Variants in PIBF1 observed in about 807,000 individuals in gnomAD.
PIBF1 encodes progesterone-induced-blocking factor 1.
Under a neutral mutation model 112.5 loss-of-function variants are expected in PIBF1, and 90 were observed. The ratio of observed to expected loss-of-function variants is 0.80; its 90% CI spans 0.67 to 0.95. PIBF1 has a LOEUF of 0.95. PIBF1 is among the 40% of genes least tolerant of loss of function. The pLI is 0.00. For synonymous variants in PIBF1, 301 were observed against 288.6 expected, an observed-to-expected ratio of 1.04 and a Z score of -0.44; for missense variants, 915 against 852.3, an observed-to-expected ratio of 1.07 and a Z score of -0.92.
At chr13:72,904,426 A>G (rs113253650) in intron 11 of PIBF1, among the ~76,000 whole-genome samples, 1,963 of 71,550 alleles carry the variant, frequency 0.027, 77 homozygotes, top group African/African-American at 0.11. Flanking sequence ...AAAATATCAA[A>G]ATATTTCTTT....
chr13:72,921,932 G>A (rs1242183322), intron 13 of PIBF1, among the ~76,000 whole-genome samples: 4 of 152,146 alleles, frequency 2.6e-5, no homozygotes, highest in African/African-American at 9.7e-5. Context: ...AAATTATACA[G>A]AAGCCTCTTG....
At chr13:72,995,234 G>A (rs112384158) in intron 16 of PIBF1, among the ~76,000 whole-genome samples, 366 of 150,900 alleles carry the variant, frequency 2.4e-3, no homozygotes, top group Middle Eastern at 6.8e-3. Context: ...CTGGGAGGCA[G>A]AGGTTGCAGT....
At chr13:72,791,835 TGCTGGCCAGGCTTATCTTGA>T (rs2034946271) in intron 2 of PIBF1, among the ~76,000 whole-genome samples, 1 of 151,924 alleles carries the variant, frequency 6.6e-6, no homozygotes, top group Non-Finnish European at 1.5e-5. Flanking sequence ...AGTTTCACCA[TGCTGGCCAGGCTTATCTTGA>T]ACTCCCGACC....
At chr13:72,964,694 T>C (rs1207373395) in intron 14 of PIBF1, among the ~76,000 whole-genome samples, 1 of 152,224 alleles carries the variant, frequency 6.6e-6, no homozygotes, top group East Asian at 1.9e-4. Context: ...TTATGTCATA[T>C]AGCTTTTCAG....
chr13:72,868,159 G>A (rs947983396), intron 10 of PIBF1, among the ~76,000 whole-genome samples: 1 of 151,996 alleles, frequency 6.6e-6, no homozygotes, highest in East Asian at 1.9e-4. Context: ...AATTAACCAC[G>A]CAGAGTGGGC....
chr13:72,856,405 A>G (rs189685104), intron 10 of PIBF1, among the ~76,000 whole-genome samples: 9 of 152,312 alleles, frequency 5.9e-5, no homozygotes, highest in Admixed American at 5.2e-4. Flanking sequence ...TTGAAGTCAT[A>G]GTAAAGCCTT....
chr13:72,847,171 C>G (rs567728710), intron 9 of PIBF1, among the ~76,000 whole-genome samples: 2 of 152,226 alleles, frequency 1.3e-5, no homozygotes, highest in African/African-American at 4.8e-5. Flanking sequence ...CATTTTGGTA[C>G]TTCAATTTTT....
chr13:73,013,397 C>T (rs1054922576), intron 17 of PIBF1, among the ~76,000 whole-genome samples: 22 of 150,858 alleles, frequency 1.5e-4, no homozygotes, highest in African/African-American at 5.4e-4. Context: ...AGAATTTCCC[C>T]CAAACTAATG....
intron 17 of PIBF1, among the ~76,000 whole-genome samples, chr13:72,999,669 C>A (rs547830444): frequency 4.6e-5 from 7 of 152,244 alleles, no homozygotes; most frequent in South Asian, 4.1e-4. Context: ...TTTTATTATA[C>A]ATGCAGATAA....
At chr13:72,968,364 G>A (rs533712329) in intron 15 of PIBF1, among the ~76,000 whole-genome samples, 12 of 151,032 alleles carry the variant, frequency 7.9e-5, no homozygotes, top group African/African-American at 2.2e-4. Context: ...GCAATGGCGC[G>A]ATCTCGGCTC....
intron 11 of PIBF1, among the ~76,000 whole-genome samples, chr13:72,900,557 A>C (rs988434512): frequency 6.6e-6 from 1 of 152,222 alleles, no homozygotes; most frequent in Admixed American, 6.5e-5. Context: ...ATGTGGGAGA[A>C]TGAAACTGGA....
At chr13:72,955,409 A>G (rs949561519) in intron 14 of PIBF1, among the ~76,000 whole-genome samples, 1 of 151,846 alleles carries the variant, frequency 6.6e-6, no homozygotes, top group Non-Finnish European at 1.5e-5. Context: ...GTATGTGCAC[A>G]TTACCAAATG....
intron 17 of PIBF1, among the ~76,000 whole-genome samples, chr13:73,001,582 C>CTTTGTTTTTTTTTTTTTTTTTTT (rs2043867825): frequency 6.9e-5 from 2 of 29,160 alleles, no homozygotes; most frequent in Non-Finnish European, 1.5e-4. Flanking sequence ...AAGAGCTTGA[C>CTTTGTTTTTTTTTTTTTTTTTTT]TTTTTTTTTT....
chr13:72,785,064 G>A (rs1283064125), intron 2 of PIBF1, among the ~76,000 whole-genome samples: 2 of 151,858 alleles, frequency 1.3e-5, no homozygotes, highest in African/African-American at 2.4e-5. Context: ...TTTTATAAGG[G>A]CACCAATCCC....
At chr13:72,924,625 T>A (rs920273288) in intron 13 of PIBF1, among the ~76,000 whole-genome samples, 8 of 152,026 alleles carry the variant, frequency 5.3e-5, no homozygotes, top group African/African-American at 1.9e-4. Flanking sequence ...GAGGATGAGC[T>A]GGGTCACTTG....
intron 13 of PIBF1, among the ~76,000 whole-genome samples, chr13:72,919,539 A>G (rs937808802): frequency 8.5e-5 from 13 of 152,244 alleles, no homozygotes; most frequent in African/African-American, 2.9e-4. Context: ...AAGGAAGAAT[A>G]GAACATAGTT....
At chr13:72,985,123 G>T (rs145492814) in intron 16 of PIBF1, among the ~76,000 whole-genome samples, 15 of 151,960 alleles carry the variant, frequency 9.9e-5, no homozygotes, top group African/African-American at 3.4e-4. Flanking sequence ...GACTATCTTA[G>T]AATAGTAGCA....
At chr13:72,788,609 G>T (rs1446585398) in intron 2 of PIBF1, among the ~76,000 whole-genome samples, 1 of 152,174 alleles carries the variant, frequency 6.6e-6, no homozygotes. Flanking sequence ...GTGGAAAAGG[G>T]GGCATGTGCC....
chr13:72,836,215 T>C (rs1393042653), intron 9 of PIBF1: 1 of 379,136 alleles, frequency 2.6e-6, no homozygotes, highest in Non-Finnish European at 5.3e-6. Flanking sequence ...AAATACTATT[T>C]ATTTCAATGG....
Sources: gnomAD v4.1 joint callset for allele counts (sites outside exome capture counted in the v4.1 genomes callset) on GRCh38, gnomAD v4.1.1 for gene constraint, MANE v1.5 for transcripts, NCBI Gene and HGNC (gene_info 2026-07-23, HGNC 2026-07-21) for gene names.